The following TBC1D1 variants were observed in gnomAD, a reference collection of about 807,000 sequenced individuals.
TBC1D1 encodes the protein TBC1 domain family member 1, also known as TBC1 (tre-2/USP6, BUB2, cdc16) domain family, member 1.
Under a neutral mutation model 125.6 loss-of-function variants are expected in TBC1D1, and 89 were observed. That is an observed-to-expected ratio of 0.71 (90% CI 0.60 to 0.85). The LOEUF (loss-of-function observed/expected upper bound fraction) is 0.85. Among genes scored for constraint, TBC1D1 ranks in the 40% least tolerant of loss-of-function variants. TBC1D1 has a pLI of 0.00. For synonymous variants in TBC1D1, 565 were observed against 564.1 expected, an observed-to-expected ratio of 1.00 and a Z score of -0.02; for missense variants, 1,377 against 1,469.2, an observed-to-expected ratio of 0.94 and a Z score of 1.03.
At chr4:38,077,963 G>A (rs774699379) in intron 12 of TBC1D1, among the ~76,000 whole-genome samples, 4 of 152,128 alleles carry the variant, frequency 2.6e-5, no homozygotes, top group Non-Finnish European at 4.4e-5. Context: ...AGAAGTCTGG[G>A]TGAGGAAGCG....
chr4:38,053,865 C>T (rs1397156738), intron 11 of TBC1D1, among the ~76,000 whole-genome samples: 2 of 152,198 alleles, frequency 1.3e-5, no homozygotes, highest in Non-Finnish European at 2.9e-5. Flanking sequence ...TTGGCATCAC[C>T]CCCTTTCCCC....
Position 38,009,145 on chromosome 4 carries a change from T to TA in TBC1D1, c.418-5363dup, listed in dbSNP as rs541699235. 9.4e-4 allele frequency among the ~76,000 whole-genome samples: 143 copies of TA among 152,340 alleles called. 1 individual carries two copies. The highest frequency in any genetic ancestry group is 3.3e-3 in the African/African-American group (139 of 41,584). Reference sequence around the variant, plus strand: ...GTTTTTACCCCCTTCCTTTATACCTTACGACCAACAAATACAAATAACTGC... The same window carrying TA: ...GTTTTTACCCCCTTCCTTTATACCTTAACGACCAACAAATACAAATAACTGC... On this transcript the variant is annotated intron_variant, in intron 2 of 19. Transcript: ENST00000261439.
rs1171973241 is a variant in TBC1D1 at position 38,115,891 on chromosome 4, C to T, written c.2739C>T (p.Leu913=). The T allele has an allele frequency of 3.1e-6, 5 of 1,614,158 alleles. No individual in the cohort carries two copies. The highest frequency in any genetic ancestry group is 4.2e-6 in the Non-Finnish European group (5 of 1,180,034). ...GTGAGGAAGAGGCGTTTAAAATGCTCAAGTTTCTGATGTTTGACATGGGGC... is the reference window on the plus strand; with the variant it reads ...GTGAGGAAGAGGCGTTTAAAATGCTTAAGTTTCTGATGTTTGACATGGGGC... Residue 913 remains leucine (L), a synonymous_variant, in exon 16 of 20, where the codon CTC becomes CTT. Transcript: ENST00000261439.
At chr4:38,007,432 T>C (rs2152416979) in intron 2 of TBC1D1, among the ~76,000 whole-genome samples, 1 of 152,074 alleles carries the variant, frequency 6.6e-6, no homozygotes, top group South Asian at 2.1e-4. Flanking sequence ...TTTGTATCTT[T>C]AGTAGAGACG....
chr4:38,097,700 A>G (rs1454076136), intron 14 of TBC1D1, among the ~76,000 whole-genome samples: 3 of 148,740 alleles, frequency 2.0e-5, no homozygotes, highest in Middle Eastern at 3.5e-3. Flanking sequence ...CTGGTCTTGA[A>G]CTCTGGACCT....
chr4:37,927,013 C>T (rs1722267864), intron 2 of TBC1D1, among the ~76,000 whole-genome samples: 1 of 151,978 alleles, frequency 6.6e-6, no homozygotes, highest in East Asian at 1.9e-4. Flanking sequence ...ATGTAATTCT[C>T]GTGGCTGAGA....
At chr4:38,063,877 C>T (rs758904938) in intron 12 of TBC1D1, among the ~76,000 whole-genome samples, 7 of 152,176 alleles carry the variant, frequency 4.6e-5, no homozygotes, top group Non-Finnish European at 8.8e-5. Context: ...GATCCTTCTG[C>T]CTCAGCCTCC....
rs1197538716 is a variant in TBC1D1 at position 37,902,412 on chromosome 4, A to G, written c.317A>G (p.His106Arg). 6.2e-7 allele frequency: 1 copy of G among 1,614,088 alleles called. No homozygotes were observed. Among genetic ancestry groups the G allele is most frequent in the Non-Finnish European group, 8.5e-7 (1 of 1,180,026 alleles). Residue 106 changes from histidine to arginine, a missense_variant, in exon 2 of 20, where the codon CAC (histidine) becomes CGC (arginine). By Grantham distance (29) the His-to-Arg change is conservative. Transcript: ENST00000261439. ...CCTCAGCGTGTTCACAAACTGATTC[A>G]CAACAGTCATGACCCAAGTTACTTT...
chr4:37,929,283 C>T (rs772969400), intron 2 of TBC1D1, among the ~76,000 whole-genome samples: 7 of 152,114 alleles, frequency 4.6e-5, no homozygotes, highest in African/African-American at 7.2e-5. Flanking sequence ...TAAGATATGA[C>T]AATGTACTAT....
intron 11 of TBC1D1, 36 bp from the exon 13 acceptor site, chr4:38,053,070 C>T: frequency 7.5e-7 from 1 of 1,334,848 alleles, no homozygotes; most frequent in African/African-American, 1.5e-5. Flanking sequence ...TTTTATGTTT[C>T]TTTATCCTAA....
chr4:37,907,848 A>G (rs757472865), intron 2 of TBC1D1, among the ~76,000 whole-genome samples: 16 of 152,218 alleles, frequency 1.1e-4, no homozygotes, highest in Non-Finnish European at 2.4e-4. Flanking sequence ...TCTCTTCTAC[A>G]AAATCTCTAC....
intron 8 of TBC1D1, among the ~76,000 whole-genome samples, chr4:38,039,991 C>T (rs965403455): frequency 6.6e-6 from 1 of 151,840 alleles, no homozygotes; most frequent in African/African-American, 2.4e-5. Context: ...GAACCAGTGT[C>T]ATCTTCCAAG....
Position 38,102,910 on chromosome 4 carries a change from G to A in TBC1D1, c.2399-89G>A, listed in dbSNP as rs1393306377. 7 of 1,379,316 alleles carry A rather than the reference G, an allele frequency of 5.1e-6. No homozygotes were observed. The African/African-American group carries it at 1.0e-4, about 20-fold the overall frequency. 85.4% of individuals were successfully genotyped at this position (1,379,316 alleles called of 1,614,324 possible). A position where few individuals can be genotyped will look rare whatever the true frequency, so the allele number is the denominator to read the frequency against. The stretch of plus-strand genomic sequence containing the variant: ...AAAAAAAAAAAGGAACAAGAATTTG[G>A]ATAAATGGAACATGAAACACAATTC... On this transcript the variant is annotated intron_variant, in intron 14 of 19. Coordinates refer to ENST00000261439, the MANE Select transcript of TBC1D1 (RefSeq NM_015173.4).
At chr4:38,052,386 C>T (rs1197895669) in intron 11 of TBC1D1, among the ~76,000 whole-genome samples, 2 of 150,692 alleles carry the variant, frequency 1.3e-5, no homozygotes, top group Admixed American at 6.6e-5. Flanking sequence ...GGCTGGAGTG[C>T]AGTGGCGTGA....
chr4:38,035,957 T>G (rs1440685289), intron 8 of TBC1D1, among the ~76,000 whole-genome samples: 22 of 152,108 alleles, frequency 1.4e-4, no homozygotes, highest in Admixed American at 1.4e-3. Flanking sequence ...AAGAATTGAG[T>G]GTAAGAGTGG....
chr4:38,082,227 G>A (rs1323561304), intron 12 of TBC1D1, among the ~76,000 whole-genome samples: 8 of 152,112 alleles, frequency 5.3e-5, no homozygotes, highest in Non-Finnish European at 8.8e-5. Flanking sequence ...GCGGGGTGGC[G>A]AAGGTCGCCA....
At chr4:38,026,972 G>C (rs1023818714) in intron 6 of TBC1D1, among the ~76,000 whole-genome samples, 1 of 152,206 alleles carries the variant, frequency 6.6e-6, no homozygotes, top group Non-Finnish European at 1.5e-5. Context: ...AGAAATGTGG[G>C]TCAGTTTTCC....
chr4:38,047,835 C>T (rs1749782358), intron 10 of TBC1D1, among the ~76,000 whole-genome samples: 1 of 152,070 alleles, frequency 6.6e-6, no homozygotes, highest in Non-Finnish European at 1.5e-5. Flanking sequence ...TGGAAGTGAA[C>T]AGAGAAGAAG....
rs1766928273 is a variant in TBC1D1 at position 38,138,128 on chromosome 4, C to CT, written c.*796dup. The CT allele has an allele frequency of 6.6e-6, 1 of 151,294 alleles. No homozygotes were observed. The highest frequency in any genetic ancestry group is 1.5e-5 in the Non-Finnish European group (1 of 67,924). The allele number at this position is 151,294 out of a possible 1,614,324, so 9.4% of individuals were successfully genotyped here. A position where few individuals can be genotyped will look rare whatever the true frequency, so the allele number is the denominator to read the frequency against. ...CTCTTTGGTATTTAAGGAAGTTTGT[C>CT]TTTAAAAAAAAAATAGAGTGTTTTC... On this transcript the variant is annotated 3_prime_UTR_variant, in exon 20 of 20. Coordinates refer to ENST00000261439, the MANE Select transcript of TBC1D1 (RefSeq NM_015173.4).
Sources: gnomAD v4.1 joint callset for allele counts (sites outside exome capture counted in the v4.1 genomes callset) on GRCh38, gnomAD v4.1.1 for gene constraint, MANE v1.5 for transcripts, NCBI Gene and HGNC (gene_info 2026-07-23, HGNC 2026-07-21) for gene names.